Variants in NLRP5 observed in about 807,000 individuals in gnomAD.
NLRP5 encodes NLR family pyrin domain containing 5, also known as NACHT, LRR and PYD domains-containing protein 5.
In NLRP5, 93 loss-of-function variants were observed where a neutral mutation model predicts 113.1. The ratio of observed to expected loss-of-function variants is 0.82; its 90% CI spans 0.70 to 0.98. NLRP5 has a LOEUF of 0.98. Ranked by LOEUF, NLRP5 falls within the 50% of genes least tolerant of loss-of-function variation. The pLI is 0.00. For missense variants in NLRP5, 1,808 were observed against 1,514.3 expected, an observed-to-expected ratio of 1.19 and a Z score of -3.22; for synonymous variants, 751 against 600.7, an observed-to-expected ratio of 1.25 and a Z score of -3.66.
chr19:55,995,391 C>T (rs1981292542), upstream of NLRP5, among the ~76,000 whole-genome samples: 2 of 151,964 alleles, frequency 1.3e-5, no homozygotes, highest in Non-Finnish European at 2.9e-5. Context: ...TCTAACAAGT[C>T]CTGAAAAATA....
the NLRP5 span, among the ~76,000 whole-genome samples, chr19:55,987,454 C>A: frequency 3.3e-5 from 5 of 152,146 alleles, no homozygotes; most frequent in African/African-American, 1.2e-4. Flanking sequence ...GGTAGGAGTC[C>A]AGAGGGTGTT....
chr19:55,997,807 G>A (rs1021901586), upstream of NLRP5, among the ~76,000 whole-genome samples: 2 of 152,044 alleles, frequency 1.3e-5, no homozygotes, highest in African/African-American at 4.8e-5. Context: ...CAGTTGCAGT[G>A]AGCTGAGATT....
chr19:56,046,686 G>A (rs915269019), intron 11 of NLRP5, among the ~76,000 whole-genome samples: 14 of 151,816 alleles, frequency 9.2e-5, no homozygotes, highest in East Asian at 1.9e-4. Flanking sequence ...GACTACAGGC[G>A]CCCGCCACTG....
At position 56,032,938 on chromosome 19, in the gene NLRP5, G is replaced by A. The variant is rs199475779; in HGVS notation, c.2447+157G>A. ...AACCAAGTTCCCAAAAGCACAGAGTGGGGAGTCGCTAAAGACCTTGTGATC... is the reference window on the plus strand; with the variant it reads ...AACCAAGTTCCCAAAAGCACAGAGTAGGGAGTCGCTAAAGACCTTGTGATC... On this transcript the variant is annotated intron_variant, in intron 8 of 14. Coordinates refer to ENST00000390649, the MANE Select transcript of NLRP5 (RefSeq NM_153447.4). Among the ~76,000 whole-genome samples the A allele has an allele frequency of 1.4e-4, 21 of 152,254 alleles. No homozygotes were observed. Among genetic ancestry groups the A allele is most frequent in the African/African-American group, 4.6e-4 (19 of 41,566 alleles).
Position 56,027,217 on chromosome 19 carries a change from G to T in NLRP5, c.984G>T (p.Lys328Asn), listed in dbSNP as rs1166134726. ...CCGTTAGAGAGATGCAGCGGAAGAA[G>T]GAGAGCAGTGTCACAGAGTTCATCT... Residue 328 changes from lysine (K) to asparagine (N), a missense_variant, in exon 7 of 15, where the codon AAG (lysine) becomes AAT (asparagine). Transcript: ENST00000390649. 1 of 1,612,266 alleles carries T rather than the reference G, an allele frequency of 6.2e-7. No individual in the cohort carries two copies. Among genetic ancestry groups the T allele is most frequent in the Non-Finnish European group, 8.5e-7 (1 of 1,179,368 alleles).
At position 56,005,530 on chromosome 19, in the gene NLRP5, ACG is replaced by A. The variant is rs1488070503; in HGVS notation, c.442+1437_442+1438del. 3.3e-4 allele frequency among the ~76,000 whole-genome samples: 40 copies of A among 121,332 alleles called. 1 individual carries two copies. The highest frequency in any genetic ancestry group is 1.2e-3 in the African/African-American group (33 of 27,118). 79.6% of individuals were successfully genotyped at this position (121,332 alleles called of 152,430 possible). ...TACACATATATATTTATACACACAC[ACG>A]CACACACGCAGGTGGCATGCCTGTA... On this transcript the variant is annotated intron_variant, in intron 2 of 14. Coordinates refer to ENST00000390649, the MANE Select transcript of NLRP5 (RefSeq NM_153447.4).
chr19:56,030,159 C>G (rs973900958), intron 7 of NLRP5, among the ~76,000 whole-genome samples: 2 of 151,906 alleles, frequency 1.3e-5, no homozygotes, highest in African/African-American at 4.8e-5. Context: ...CACACTAGGT[C>G]AGGAGTTCGA....
chr19:56,024,948 A>G (rs191685013), intron 6 of NLRP5, among the ~76,000 whole-genome samples: 208 of 152,122 alleles, frequency 1.4e-3, no homozygotes, highest in African/African-American at 4.9e-3. Flanking sequence ...GACTCATGTT[A>G]CCACCTGAGC....
In NLRP5 at chr19:56,043,542, C is replaced by CTTTTTTTTTTT. The variant is rs369622191; in HGVS notation, c.2957+2481_2957+2491dup. ...TGGATTGTCTGTTTACTCTGCTATT[C>CTTTTTTTTTTT]TTTTTTTTTTTTTTTTTTTTTTTTT... On this transcript the variant is annotated intron_variant, in intron 11 of 14. Coordinates refer to ENST00000390649, the MANE Select transcript of NLRP5 (RefSeq NM_153447.4). Among the ~76,000 whole-genome samples the CTTTTTTTTTTT allele has an allele frequency of 6.1e-4, 57 of 92,928 alleles. 9 individuals are homozygous for CTTTTTTTTTTT. The highest frequency in any genetic ancestry group is 2.8e-3 in the East Asian group (6 of 2,106). The allele number at this position is 92,928 out of a possible 152,430, so 61.0% of individuals were successfully genotyped here.
intron 2 of NLRP5, among the ~76,000 whole-genome samples, chr19:56,005,742 A>T (rs955640859): frequency 6.6e-6 from 1 of 152,172 alleles, no homozygotes; most frequent in Non-Finnish European, 1.5e-5. Context: ...GCTTGGAAAA[A>T]AGGCCCAGTG....
At chr19:56,052,833 TC>T (rs199519611) in intron 12 of NLRP5, among the ~76,000 whole-genome samples, 2,113 of 152,342 alleles carry the variant, frequency 0.014, 25 homozygotes, top group Admixed American at 0.026. Flanking sequence ...CCCTTTTCTC[TC>T]CATCTTGGCT....
chr19:56,040,933 G>T lies in NLRP5; in HGVS notation c.2798G>T (p.Cys933Phe). Residue 933 changes from cysteine (C) to phenylalanine (F), a missense_variant, in exon 11 of 15, where the codon TGT (cysteine) becomes TTT (phenylalanine). By Grantham distance (205) the Cys-to-Phe change is radical. Transcript: ENST00000390649. ...CTCTCTTCTTGCAGACTGGAGGACT[G>T]TGGCATCACAGCCACGGGTTGCCAG... 6.2e-7 allele frequency: 1 copy of T among 1,613,842 alleles called. No homozygotes were observed. The highest frequency in any genetic ancestry group is 8.5e-7 in the Non-Finnish European group (1 of 1,179,782).
chr19:55,988,005 C>A, the NLRP5 span: 2 of 952,744 alleles, frequency 2.1e-6, no homozygotes, highest in South Asian at 2.7e-5. Context: ...TATGCATTAA[C>A]GTACTTTCCC....
At chr19:55,988,036 C>A in the NLRP5 span, 2 of 708,702 alleles carry the variant, frequency 2.8e-6, no homozygotes, top group South Asian at 1.6e-5. Flanking sequence ...GCAACCCAGT[C>A]AACACCACAG....
chr19:56,055,776 A>G (rs984688700), intron 13 of NLRP5, among the ~76,000 whole-genome samples: 2 of 151,200 alleles, frequency 1.3e-5, no homozygotes, highest in Admixed American at 1.3e-4. Flanking sequence ...CAATCTCCTG[A>G]CCTCATGATC....
intron 2 of NLRP5, among the ~76,000 whole-genome samples, chr19:56,008,139 A>C (rs1241657380): frequency 6.6e-6 from 1 of 151,144 alleles, no homozygotes; most frequent in African/African-American, 2.4e-5. Flanking sequence ...CATGTTAGCC[A>C]GGATGGTCTC....
At position 56,027,782 on chromosome 19, in the gene NLRP5, C is replaced by A. The variant is rs761283407; in HGVS notation, c.1549C>A (p.Arg517=). The change falls in exon 7 of 15, where the codon CGG becomes AGG. Residue 517 remains arginine (R), a synonymous_variant. Transcript: ENST00000390649. ...TCAGCTCACCCCTCGAGGCGTGGTC[C>A]GGCGCTGTCTCAATCTGGAGGAAAG... 1.9e-6 allele frequency: 3 copies of A among 1,613,876 alleles called. No homozygotes were observed. Among genetic ancestry groups the A allele is most frequent in the Non-Finnish European group, 2.5e-6 (3 of 1,179,900 alleles).
intron 14 of NLRP5, among the ~76,000 whole-genome samples, chr19:56,059,933 A>C (rs2123348445): frequency 6.6e-6 from 1 of 152,342 alleles, no homozygotes; most frequent in South Asian, 2.1e-4. Context: ...AAGTTATGGC[A>C]CATGGGTATA....
the NLRP5 span, among the ~76,000 whole-genome samples, chr19:55,989,238 CTT>C: frequency 6.6e-6 from 1 of 151,910 alleles, no homozygotes. Flanking sequence ...ATGGGAGGTA[CTT>C]TTTAGTATTT....
Sources: allele counts gnomAD v4.1 joint callset (sites outside exome capture counted in the v4.1 genomes callset), GRCh38; gene constraint gnomAD v4.1.1; transcripts MANE v1.5; gene names NCBI Gene and HGNC (gene_info 2026-07-23, HGNC 2026-07-21).